Variants in SDCCAG8 observed in about 807,000 individuals in gnomAD.
The protein encoded by SDCCAG8 is serologically defined colon cancer antigen 8.
A neutral mutation model predicts 101.8 loss-of-function variants in SDCCAG8; 74 were observed. The observed-to-expected ratio is 0.73, with a 90% confidence interval of 0.60 to 0.88. SDCCAG8 has a LOEUF of 0.88. Among genes scored for constraint, SDCCAG8 ranks in the 40% least tolerant of loss-of-function variants. SDCCAG8 has a pLI of 0.00. For synonymous variants in SDCCAG8, 281 were observed against 292.9 expected (o/e 0.96, Z 0.41); for missense variants, 787 against 822.6 (o/e 0.96, Z 0.53).
At chr1:243,271,377 A>G (rs945063611) in intron 3 of SDCCAG8, among the ~76,000 whole-genome samples, 7 of 149,116 alleles carry the variant, frequency 4.7e-5, no homozygotes, top group Non-Finnish European at 1.0e-4. Flanking sequence ...AATAAATTAT[A>G]TGTCAGAATA....
chr1:243,483,210 C>G (rs946813146), intron 16 of SDCCAG8, among the ~76,000 whole-genome samples: 18 of 152,056 alleles, frequency 1.2e-4, no homozygotes, highest in Non-Finnish European at 1.9e-4. Flanking sequence ...GGGGAGGAGG[C>G]GGCGGGCGCC....
At chr1:243,447,263 A>AAG (rs1218877776) in intron 16 of SDCCAG8, among the ~76,000 whole-genome samples, 2 of 149,832 alleles carry the variant, frequency 1.3e-5, no homozygotes, top group African/African-American at 2.4e-5. Flanking sequence ...AAAAAAAAAA[A>AAG]AAAAAAAAAA....
chr1:243,495,922 G>A (rs1180666826), intron 17 of SDCCAG8, among the ~76,000 whole-genome samples: 3 of 152,124 alleles, frequency 2.0e-5, no homozygotes, highest in African/African-American at 7.2e-5. Context: ...GGACTTTGAG[G>A]TCAAACTGCC....
chr1:243,353,423 G>A (rs1384792685), intron 12 of SDCCAG8, among the ~76,000 whole-genome samples: 5 of 141,658 alleles, frequency 3.5e-5, no homozygotes, highest in East Asian at 2.2e-4. Flanking sequence ...CCCAGGAAGC[G>A]GAGGTTGCAG....
At chr1:243,296,705 G>C (rs1482109261) in intron 6 of SDCCAG8, among the ~76,000 whole-genome samples, 1 of 151,544 alleles carries the variant, frequency 6.6e-6, no homozygotes, top group Non-Finnish European at 1.5e-5. Context: ...ACTGCGCCCG[G>C]CTAATTTTTT....
At chr1:243,499,649 TCCAACAAC>T in intron 17 of SDCCAG8, 99 bp from the exon 18 acceptor site, 1 of 924,260 alleles carries the variant, frequency 1.1e-6, no homozygotes, top group South Asian at 1.4e-5. Flanking sequence ...GGTTTTTTTC[TCCAACAAC>T]AGTTTTCATC....
chr1:243,485,550 C>A (rs948691935), intron 16 of SDCCAG8, among the ~76,000 whole-genome samples: 2 of 152,108 alleles, frequency 1.3e-5, no homozygotes, highest in South Asian at 2.1e-4. Flanking sequence ...AATGAAATAG[C>A]CATTAACAGA....
chr1:243,280,396 T>A (rs2068927904), intron 4 of SDCCAG8, among the ~76,000 whole-genome samples: 1 of 151,892 alleles, frequency 6.6e-6, no homozygotes, highest in Non-Finnish European at 1.5e-5. Context: ...CTTTTGGTTT[T>A]GTTGTTTTTC....
At chr1:243,363,968 T>C (rs1474318364) in intron 12 of SDCCAG8, among the ~76,000 whole-genome samples, 3 of 152,326 alleles carry the variant, frequency 2.0e-5, no homozygotes, top group African/African-American at 7.2e-5. Flanking sequence ...AGGTTATTTT[T>C]GAGTTAAAAC....
At chr1:243,484,914 C>G (rs139302348) in intron 16 of SDCCAG8, among the ~76,000 whole-genome samples, 5 of 152,080 alleles carry the variant, frequency 3.3e-5, no homozygotes, top group East Asian at 3.9e-4. Context: ...TGTGGTGGTG[C>G]GCGCCTATAG....
intron 11 of SDCCAG8, among the ~76,000 whole-genome samples, chr1:243,341,982 A>G (rs2075405759): frequency 6.6e-6 from 1 of 152,178 alleles, no homozygotes; most frequent in African/African-American, 2.4e-5. Flanking sequence ...TTGTAATGCC[A>G]TTGTTGCTCT....
At chr1:243,298,664 T>G (rs538365615) in intron 6 of SDCCAG8, among the ~76,000 whole-genome samples, 1 of 152,294 alleles carries the variant, frequency 6.6e-6, no homozygotes, top group East Asian at 1.9e-4. Context: ...CTGGAATTTA[T>G]TTTTGTATAT....
At chr1:243,429,601 G>A (rs985715957) in intron 16 of SDCCAG8, among the ~76,000 whole-genome samples, 1 of 151,680 alleles carries the variant, frequency 6.6e-6, no homozygotes, top group East Asian at 1.9e-4. Context: ...CGCCCAGGCT[G>A]AAGTGTAACC....
At chr1:243,476,107 A>C in intron 16 of SDCCAG8, 1 of 985,366 alleles carries the variant, frequency 1.0e-6, no homozygotes, top group Non-Finnish European at 1.2e-6. Flanking sequence ...TTACTGAATG[A>C]TTTATTGCTC....
At chr1:243,499,667 C>A in intron 17 of SDCCAG8, 89 bp from the exon 18 acceptor site, 1 of 1,067,024 alleles carries the variant, frequency 9.4e-7, no homozygotes, top group South Asian at 1.3e-5. Flanking sequence ...CAGTTTTCAT[C>A]ATAAAAGGTG....
At chr1:243,468,544 A>G (rs945354242) in intron 16 of SDCCAG8, among the ~76,000 whole-genome samples, 9 of 152,228 alleles carry the variant, frequency 5.9e-5, no homozygotes, top group Middle Eastern at 3.2e-3. Flanking sequence ...AAATGCGGCC[A>G]GGTGCAATGG....
chr1:243,446,378 C>T (rs534455627), intron 16 of SDCCAG8, among the ~76,000 whole-genome samples: 1 of 152,156 alleles, frequency 6.6e-6, no homozygotes, highest in Admixed American at 6.5e-5. Context: ...TTGATCCTTC[C>T]ACCTCAGCCT....
At chr1:243,312,514 C>G (rs959777870) in intron 8 of SDCCAG8, among the ~76,000 whole-genome samples, 2 of 152,100 alleles carry the variant, frequency 1.3e-5, no homozygotes, top group African/African-American at 4.8e-5. Context: ...TGAGACCAGC[C>G]TGGCCATCAT....
rs1558235957 is a variant in SDCCAG8 at position 243,286,404 on chromosome 1, A to G, written c.546+7A>G. 1.2e-6 allele frequency: 2 copies of G among 1,613,824 alleles called. No homozygotes were observed. Among genetic ancestry groups the G allele is most frequent in the Non-Finnish European group, 1.7e-6 (2 of 1,179,716 alleles). ...AACACTTCTGGATGCATCCGTGAGC[A>G]TTATTTTAAATCATAAATTTTATTT... On this transcript the variant is annotated splice_region_variant and intron_variant, in intron 5 of 17. Transcript: ENST00000366541.
Sources: gnomAD v4.1 joint callset for allele counts (sites outside exome capture counted in the v4.1 genomes callset) on GRCh38, gnomAD v4.1.1 for gene constraint, MANE v1.5 for transcripts, NCBI Gene and HGNC (gene_info 2026-07-23, HGNC 2026-07-21) for gene names.